The following CRTAC1 variants were observed in gnomAD, a reference collection of about 807,000 sequenced individuals.
CRTAC1 encodes cartilage acidic protein 1.
A neutral mutation model predicts 67.8 loss-of-function variants in CRTAC1; 37 were observed. The ratio of observed to expected loss-of-function variants is 0.55; its 90% CI spans 0.42 to 0.72. The LOEUF (loss-of-function observed/expected upper bound fraction) is 0.72. Among genes scored for constraint, CRTAC1 ranks in the 30% least tolerant of loss-of-function variants. The pLI is 0.00. For synonymous variants in CRTAC1, 348 were observed against 371.0 expected (o/e 0.94, Z 0.71); for missense variants, 780 against 931.6 (o/e 0.84, Z 2.12).
intron 14 of CRTAC1, chr10:97,879,894 G>A: frequency 8.6e-7 from 1 of 1,161,266 alleles, no homozygotes; most frequent in Non-Finnish European, 1.2e-6. Flanking sequence ...TTGGGAAGAA[G>A]AAATTACCAG....
chr10:98,019,069 C>T (rs1176488628), intron 1 of CRTAC1, among the ~76,000 whole-genome samples: 4 of 151,856 alleles, frequency 2.6e-5, no homozygotes, highest in Non-Finnish European at 4.4e-5. Flanking sequence ...TGTAAGTTAG[C>T]TGGGGGGGGA....
At chr10:97,871,564 A>G (rs1384797388) in intron 14 of CRTAC1, 1 of 152,242 alleles carries the variant, frequency 6.6e-6, no homozygotes. Context: ...AATAAATGCC[A>G]GGAACATTCA....
At position 98,030,395 on chromosome 10, in the gene CRTAC1, A is replaced by G. The variant is rs1260280587; in HGVS notation, c.24+54T>C. 2 of 1,148,972 alleles carry G rather than the reference A, an allele frequency of 1.7e-6. No homozygotes were observed. Among genetic ancestry groups the G allele is most frequent in the East Asian group, 6.4e-5 (2 of 31,190 alleles). 71.2% of individuals were successfully genotyped at this position (1,148,972 alleles called of 1,614,324 possible). On this transcript the variant is annotated intron_variant, in intron 1 of 14. Transcript: ENST00000370597. The surrounding 1 kb of genome is among the most constrained non-coding windows in gnomAD (Gnocchi z 4.2). Reference sequence around the variant, plus strand: ...CGGGCGGATCCGGGGGGGCGCGCAGAGCTGGAGAAACTTTCTCCGCCTTAG... The same window carrying G: ...CGGGCGGATCCGGGGGGGCGCGCAGGGCTGGAGAAACTTTCTCCGCCTTAG...
chr10:97,985,100 G>T (rs554667151), intron 2 of CRTAC1, among the ~76,000 whole-genome samples: 1 of 152,212 alleles, frequency 6.6e-6, no homozygotes, highest in East Asian at 1.9e-4. Flanking sequence ...AGAGTAAAGG[G>T]CAGTATTCCT....
intron 6 of CRTAC1, among the ~76,000 whole-genome samples, chr10:97,905,332 T>G (rs569929666): frequency 6.6e-6 from 1 of 152,186 alleles, no homozygotes; most frequent in African/African-American, 2.4e-5. Context: ...TTCCAGCTCC[T>G]GGGCCTTTGC....
intron 4 of CRTAC1, among the ~76,000 whole-genome samples, chr10:97,918,792 TTTG>T (rs2050795064): frequency 1.2e-5 from 1 of 80,434 alleles, no homozygotes; most frequent in African/African-American, 3.2e-5. Context: ...TTTGGTGTTT[TTTG>T]TTTTTTTTTT....
At chr10:97,869,210 T>G (rs1242320247) in intron 14 of CRTAC1, 1 of 152,296 alleles carries the variant, frequency 6.6e-6, no homozygotes. Flanking sequence ...GCACCTCCAC[T>G]TCCAGGGCAT....
intron 1 of CRTAC1, among the ~76,000 whole-genome samples, chr10:98,023,198 C>T (rs1271415948): frequency 6.6e-6 from 1 of 152,188 alleles, no homozygotes; most frequent in South Asian, 2.1e-4. Context: ...CAGCCTTGCT[C>T]CAGGCTCAGA....
chr10:97,904,005 C>A (rs1352693601), intron 7 of CRTAC1, among the ~76,000 whole-genome samples: 1 of 146,510 alleles, frequency 6.8e-6, no homozygotes, highest in Non-Finnish European at 1.5e-5. Flanking sequence ...AAAGCTGAGG[C>A]CTGGCTTTTG....
chr10:98,021,522 T>C (rs1843121138), intron 1 of CRTAC1, among the ~76,000 whole-genome samples: 1 of 152,198 alleles, frequency 6.6e-6, no homozygotes, highest in East Asian at 1.9e-4. Context: ...TAATAGGTAC[T>C]ATTAACTGCT....
rs781514612 is a variant in CRTAC1, at chr10:98,030,469, C to T, written c.4G>A (p.Ala2Thr). M[A>T]PSADPGMSRM... ...CTCACGCCGGGGTCAGCGCTCGGAG[C>T]CATCCTCCCGCTCTCGGCCCCGCCG... The change falls in exon 1 of 15, where the codon GCT becomes ACT. Residue 2 changes from alanine (A) to threonine (T), a missense_variant. Transcript: ENST00000370597. This position sits in a 1 kb window ranked among gnomAD's most constrained non-coding sequence, Gnocchi z 4.2. The T allele has an allele frequency of 6.0e-5, 75 of 1,248,692 alleles. No individual in the cohort carries two copies. Among genetic ancestry groups the T allele is most frequent in the Non-Finnish European group, 7.3e-5 (72 of 988,752 alleles). The allele number at this position is 1,248,692 out of a possible 1,614,324, so 77.4% of individuals were successfully genotyped here.
intron 11 of CRTAC1, among the ~76,000 whole-genome samples, chr10:97,891,327 A>T (rs756607708): frequency 6.6e-6 from 1 of 152,042 alleles, no homozygotes; most frequent in Non-Finnish European, 1.5e-5. Flanking sequence ...CGTTCTTTGG[A>T]CTGGACCTTC....
intron 11 of CRTAC1, among the ~76,000 whole-genome samples, chr10:97,890,824 C>T (rs962838062): frequency 1.1e-4 from 17 of 152,140 alleles, no homozygotes; most frequent in Middle Eastern, 3.4e-3. Flanking sequence ...TGCACCACCA[C>T]GCCCAGCTAA....
Position 97,865,646 on chromosome 10 carries a change from CAGCAGCGGCAGT to C in CRTAC1, c.1876_1887del (p.Thr626_Ala629del). ...GCAGTGGCAGCTCCAGCAGCGGCAG[CAGCAGCGGCAGT>C]GGCAGCAGCAGCGGTGGGGGTGGTG... On this transcript the variant is annotated inframe_deletion, in exon 15 of 15. Coordinates refer to ENST00000370597, the MANE Select transcript of CRTAC1 (RefSeq NM_018058.7). 6.2e-7 allele frequency: 1 copy of C among 1,611,888 alleles called. No homozygotes were observed. The highest frequency in any genetic ancestry group is 1.3e-5 in the African/African-American group (1 of 75,026).
At chr10:97,882,393 C>G (rs2050227225) in intron 13 of CRTAC1, among the ~76,000 whole-genome samples, 1 of 152,228 alleles carries the variant, frequency 6.6e-6, no homozygotes, top group African/African-American at 2.4e-5. Context: ...CACTATTTTG[C>G]CCCAATGCCC....
chr10:97,945,498 C>T (rs2051250188), intron 2 of CRTAC1, among the ~76,000 whole-genome samples: 1 of 152,022 alleles, frequency 6.6e-6, no homozygotes, highest in African/African-American at 2.4e-5. Context: ...GACCAGAAAA[C>T]ATATGGGAAG....
At chr10:97,890,534 T>C (rs1192949188) in intron 11 of CRTAC1, among the ~76,000 whole-genome samples, 1 of 152,250 alleles carries the variant, frequency 6.6e-6, no homozygotes, top group Non-Finnish European at 1.5e-5. Context: ...ATATGACACG[T>C]AATAAAGGCA....
intron 2 of CRTAC1, among the ~76,000 whole-genome samples, chr10:97,952,388 A>G (rs1156515686): frequency 2.0e-5 from 3 of 151,414 alleles, no homozygotes; most frequent in African/African-American, 7.3e-5. Context: ...AAATAAAAAA[A>G]TTAGTGAGGC....
At chr10:98,015,352 G>C (rs906092222) in intron 1 of CRTAC1, among the ~76,000 whole-genome samples, 2 of 152,092 alleles carry the variant, frequency 1.3e-5, no homozygotes, top group African/African-American at 4.8e-5. Context: ...GGGTATAGGG[G>C]GAAATGGGAG....
Sources: allele counts gnomAD v4.1 joint callset (sites outside exome capture counted in the v4.1 genomes callset), GRCh38; gene constraint gnomAD v4.1.1; non-coding constraint Gnocchi (gnomAD v3.1); transcripts MANE v1.5; gene names NCBI Gene and HGNC (gene_info 2026-07-23, HGNC 2026-07-21).